Variants in CCDC57 observed in about 807,000 individuals in gnomAD.
CCDC57 encodes coiled-coil domain-containing protein 57.
In CCDC57, 118 loss-of-function variants were observed where a neutral mutation model predicts 118.9. The ratio of observed to expected loss-of-function variants is 0.99; its 90% CI spans 0.86 to 1.16. The LOEUF (loss-of-function observed/expected upper bound fraction) is 1.16, where lower values mean the gene tolerates loss of function less well. Ranked by LOEUF, CCDC57 falls within the 50% of genes most tolerant of loss-of-function variation. The pLI is 0.00. For synonymous variants in CCDC57, 527 were observed against 532.9 expected (o/e 0.99, Z 0.15); for missense variants, 1,300 against 1,320.7 (o/e 0.98, Z 0.24).
At chr17:82,178,296 C>T (rs1199147130) in intron 11 of CCDC57, among the ~76,000 whole-genome samples, 178 bp downstream of exon 10, 1 of 152,180 alleles carries the variant, frequency 6.6e-6, no homozygotes, top group Non-Finnish European at 1.5e-5. Context: ...TACAAAGAAG[C>T]CTGAGTTCAC....
intron 11 of CCDC57, among the ~76,000 whole-genome samples, chr17:82,177,389 C>G (rs938632529): frequency 4.6e-5 from 7 of 151,470 alleles, no homozygotes; most frequent in African/African-American, 1.7e-4. Context: ...AAAAACAACT[C>G]CAAAAATTAG....
chr17:82,129,431 G>A (rs934609078), intron 17 of CCDC57, among the ~76,000 whole-genome samples: 1 of 152,244 alleles, frequency 6.6e-6, no homozygotes, highest in African/African-American at 2.4e-5. Context: ...TGGCCTGCAA[G>A]GAGGCTGTGG....
intron 17 of CCDC57, 45 bp from the exon 17 acceptor site, chr17:82,128,642 C>CATG: frequency 1.5e-5 from 21 of 1,430,638 alleles, no homozygotes; most frequent in Middle Eastern, 1.9e-4. Flanking sequence ...TTCACATGTA[C>CATG]TGATGGTGCA....
In CCDC57 at chr17:82,212,133, C is replaced by T. The variant is rs2050210847; in HGVS notation, c.-211+652G>A. ...TGGCAATACAGGACTCCTGAGTAGT[C>T]TCAGAGTGTGGCGTTCTCTCTATAA... On this transcript the variant is annotated intron_variant, in intron 1 of 19. Transcript: ENST00000665763. This position sits in a 1 kb window ranked among gnomAD's most constrained non-coding sequence, Gnocchi z 4.1. Among the ~76,000 whole-genome samples the T allele has an allele frequency of 6.6e-6, 1 of 152,180 alleles. No homozygotes were observed. The highest frequency in any genetic ancestry group is 2.4e-5 in the African/African-American group (1 of 41,456).
At chr17:82,110,719 G>GA (rs1214040516) in intron 19 of CCDC57, among the ~76,000 whole-genome samples, 1 of 152,146 alleles carries the variant, frequency 6.6e-6, no homozygotes, top group Non-Finnish European at 1.5e-5. Flanking sequence ...TGGTTATAGA[G>GA]AAAATCATAA....
At chr17:82,151,163 G>T (rs77564838) in intron 16 of CCDC57, among the ~76,000 whole-genome samples, 1 of 57,448 alleles carries the variant, frequency 1.7e-5, no homozygotes, top group Non-Finnish European at 3.3e-5. Flanking sequence ...AGAACCAGGC[G>T]CACACCCAGA....
chr17:82,106,967 G>A (rs2034892117), intron 19 of CCDC57, among the ~76,000 whole-genome samples: 1 of 152,214 alleles, frequency 6.6e-6, no homozygotes, highest in South Asian at 2.1e-4. Context: ...CATGTCCCCG[G>A]GGAACAGCAC....
At chr17:82,204,298 C>T (rs917964097) in intron 2 of CCDC57, among the ~76,000 whole-genome samples, 3 of 152,164 alleles carry the variant, frequency 2.0e-5, no homozygotes, top group East Asian at 1.9e-4. Flanking sequence ...CACTCTCCCA[C>T]GCTCCTGTTC....
At chr17:82,152,647 C>G (rs1044430761) in intron 15 of CCDC57, among the ~76,000 whole-genome samples, 1 of 152,226 alleles carries the variant, frequency 6.6e-6, no homozygotes, top group African/African-American at 2.4e-5. Context: ...AGACGGGAGC[C>G]GACGACCTAC....
At chr17:82,179,637 A>C (rs1023715839) in intron 9 of CCDC57, among the ~76,000 whole-genome samples, 4 of 150,472 alleles carry the variant, frequency 2.7e-5, no homozygotes, top group Admixed American at 2.6e-4. Context: ...GCGGGCGGGG[A>C]TGGGAGAGCC....
At position 82,134,086 on chromosome 17, in the gene CCDC57, TG is replaced by T; in HGVS notation, c.2563del (p.His855IlefsTer48). 1 of 1,415,424 alleles carries T rather than the reference TG, an allele frequency of 7.1e-7. No homozygotes were observed. The highest frequency in any genetic ancestry group is 9.2e-7 in the Non-Finnish European group (1 of 1,084,160). The allele number at this position is 1,415,424 out of a possible 1,614,324, so 87.7% of individuals were successfully genotyped here. On this transcript the variant is annotated frameshift_variant, in exon 17 of 20. Transcript: ENST00000665763. LOFTEE classifies it high-confidence loss of function. ...AAGGGGTGTTACCTGAGATGTAAAA[TG>T]GGGCTGCACCTGTCCCAAAGGTGGG...
At chr17:82,171,949 T>A in intron 12 of CCDC57, 96 bp from the exon 12 acceptor site, 1 of 1,328,538 alleles carries the variant, frequency 7.5e-7, no homozygotes, top group Middle Eastern at 1.9e-4. Context: ...TGCCAGCTCA[T>A]GCCCGCCAGC....
chr17:82,176,232 T>TC (rs2146338645), intron 11 of CCDC57, among the ~76,000 whole-genome samples: 2 of 151,460 alleles, frequency 1.3e-5, no homozygotes, highest in Non-Finnish European at 3.0e-5. Flanking sequence ...ATAAAACCCC[T>TC]GGTGGCTTGG....
chr17:82,113,072 C>T (rs1343805393), intron 19 of CCDC57: 2 of 393,606 alleles, frequency 5.1e-6, no homozygotes, highest in Non-Finnish European at 9.1e-6. Context: ...GTTATTTCAA[C>T]ACAAGTTACT....
intron 19 of CCDC57, among the ~76,000 whole-genome samples, chr17:82,102,081 T>C (rs976226925): frequency 4.6e-5 from 7 of 152,246 alleles, no homozygotes; most frequent in African/African-American, 1.4e-4. Flanking sequence ...TGGGTCCTGC[T>C]TGGCAGGGAC....
intron 9 of CCDC57, among the ~76,000 whole-genome samples, chr17:82,180,645 T>C (rs1053949490): frequency 1.3e-5 from 2 of 152,110 alleles, no homozygotes; most frequent in Non-Finnish European, 2.9e-5. Flanking sequence ...CTAGCTAATT[T>C]TTTGTATTTT....
intron 19 of CCDC57, among the ~76,000 whole-genome samples, chr17:82,110,105 C>T (rs534466606): frequency 1.2e-4 from 18 of 151,078 alleles, no homozygotes; most frequent in African/African-American, 3.9e-4. Flanking sequence ...CTCAGCCTCC[C>T]GAGTAGCAGG....
At chr17:82,128,356 G>A (rs2145259344) in intron 18 of CCDC57, 137 bp downstream of exon 17, 1 of 645,656 alleles carries the variant, frequency 1.5e-6, no homozygotes, top group South Asian at 1.9e-5. Context: ...CTGCCATTGT[G>A]AGCAGTCCCT....
intron 13 of CCDC57, among the ~76,000 whole-genome samples, chr17:82,164,682 T>C (rs2043766949): frequency 6.6e-6 from 1 of 152,126 alleles, no homozygotes; most frequent in African/African-American, 2.4e-5. Flanking sequence ...AAAATTTAGA[T>C]GAAATGGACA....
Sources: allele counts gnomAD v4.1 joint callset (sites outside exome capture counted in the v4.1 genomes callset), GRCh38; gene constraint gnomAD v4.1.1; non-coding constraint Gnocchi (gnomAD v3.1); transcripts MANE v1.5; gene names NCBI Gene and HGNC (gene_info 2026-07-23, HGNC 2026-07-21).